The following SOX13 variants were observed in gnomAD, a reference collection of about 807,000 sequenced individuals.
SOX13 encodes transcription factor SOX-13.
Under a neutral mutation model 71.8 loss-of-function variants are expected in SOX13, and 28 were observed. The ratio of observed to expected loss-of-function variants is 0.39; its 90% CI spans 0.29 to 0.53. The LOEUF (loss-of-function observed/expected upper bound fraction) is 0.53. SOX13 is among the 20% of genes least tolerant of loss of function. The pLI is 0.70. For missense variants in SOX13, 627 were observed against 810.3 expected (o/e 0.77, Z 2.75); for synonymous variants, 309 against 317.8 (o/e 0.97, Z 0.29).
chr1:204,113,315 C>T (rs894384751), intron 2 of SOX13, among the ~76,000 whole-genome samples, 181 bp downstream of exon 2: 8 of 152,222 alleles, frequency 5.3e-5, no homozygotes, highest in South Asian at 2.1e-4. Context: ...AGGCTGGAAG[C>T]GGGGTCACCT....
intron 1 of SOX13, among the ~76,000 whole-genome samples, chr1:204,076,398 G>T: frequency 6.6e-6 from 1 of 152,170 alleles, no homozygotes; most frequent in East Asian, 1.9e-4. Flanking sequence ...TCCCTGGGTA[G>T]TGTCTGTGTC....
At chr1:204,114,752 A>C (rs1203579515) in intron 4 of SOX13, 147 bp downstream of exon 4, 1 of 657,956 alleles carries the variant, frequency 1.5e-6, no homozygotes, top group Non-Finnish European at 2.8e-6. Context: ...GGTCATCACC[A>C]TCCCTCGCCT....
rs903241073 is a variant in SOX13 at position 204,126,359 on chromosome 1, G to A, written c.*225G>A. ...AGGAACTGCAGTATGGCCATGGGCT[G>A]AGCAGGCTGAGCACCTCAGCCTTTA... On this transcript the variant is annotated 3_prime_UTR_variant, in exon 14 of 14. Transcript: ENST00000367204. 6 of 584,454 alleles carry A rather than the reference G, an allele frequency of 1.0e-5. No homozygotes were observed. The highest frequency in any genetic ancestry group is 1.8e-5 in the Non-Finnish European group (6 of 327,358). The allele number at this position is 584,454 out of a possible 1,614,324, so 36.2% of individuals were successfully genotyped here.
At chr1:204,124,300 T>C (rs75562743) in intron 12 of SOX13, among the ~76,000 whole-genome samples, 3,429 of 152,332 alleles carry the variant, frequency 0.023, 137 homozygotes, top group African/African-American at 0.079. Context: ...TATTTTGTCC[T>C]GAGCAGGGAG....
chr1:204,122,333 C>A lies in SOX13; in HGVS notation c.958C>A (p.Pro320Thr). The A allele has an allele frequency of 6.4e-7, 1 of 1,561,858 alleles. No individual in the cohort carries two copies. The highest frequency in any genetic ancestry group is 2.4e-5 in the East Asian group (1 of 42,116). The change falls in exon 9 of 14, where the codon CCC (proline) becomes ACC (threonine). Residue 320 changes from proline to threonine, a missense_variant. By Grantham distance (38) the Pro-to-Thr change is conservative. Transcript: ENST00000367204. The stretch of plus-strand genomic sequence containing the variant: ...AAGCCTGAAGATGAGCAGCTGTGTG[C>A]CCCGCCCCCCCAGCCATGGAGGCCC... ...SPSLKMSSCV[P>T]RPPSHGGPTR...
chr1:204,099,027 C>T (rs1656308784), intron 1 of SOX13, among the ~76,000 whole-genome samples: 1 of 152,192 alleles, frequency 6.6e-6, no homozygotes, highest in African/African-American at 2.4e-5. Context: ...GGCCTGGTTC[C>T]CTTGACTTCC....
At chr1:204,102,589 C>A (rs1656382551) in intron 1 of SOX13, among the ~76,000 whole-genome samples, 1 of 151,670 alleles carries the variant, frequency 6.6e-6, no homozygotes, top group African/African-American at 2.4e-5. Context: ...AAACTGATAA[C>A]CTAGGCTAGG....
chr1:204,088,680 A>G (rs16852795), intron 1 of SOX13, among the ~76,000 whole-genome samples: 4,424 of 152,090 alleles, frequency 0.029, 207 homozygotes, highest in African/African-American at 0.099. Flanking sequence ...TGTTGAACTG[A>G]TCTGATAAGA....
Position 204,073,463 on chromosome 1 carries a change from G to A in SOX13, c.-250G>A, listed in dbSNP as rs1389656962. 1 of 151,928 alleles carries A rather than the reference G, an allele frequency of 6.6e-6. No homozygotes were observed. Among genetic ancestry groups the A allele is most frequent in the Non-Finnish European group, 1.5e-5 (1 of 67,956 alleles). The allele number at this position is 151,928 out of a possible 1,614,324, so 9.4% of individuals were successfully genotyped here. A position where few individuals can be genotyped will look rare whatever the true frequency, so the allele number is the denominator to read the frequency against. On this transcript the variant is annotated 5_prime_UTR_variant, in exon 1 of 14. Transcript: ENST00000367204. This position sits in a 1 kb window ranked among gnomAD's most constrained non-coding sequence, Gnocchi z 6.8. ...GAGGGCGCCGCCCGGCCGGAACCAA[G>A]CTCGCCGCCCGGGACGGCGGGCCCC...
At chr1:204,084,223 C>T (rs1350806349) in intron 1 of SOX13, among the ~76,000 whole-genome samples, 1 of 152,114 alleles carries the variant, frequency 6.6e-6, no homozygotes, top group Non-Finnish European at 1.5e-5. Context: ...ACGTGGGGGC[C>T]CTGCCTGTGG....
intron 1 of SOX13, among the ~76,000 whole-genome samples, chr1:204,107,397 C>T (rs547696975): frequency 6.6e-6 from 1 of 152,086 alleles, no homozygotes; most frequent in Non-Finnish European, 1.5e-5. Flanking sequence ...ACTGTGCAGA[C>T]CCCCAGCTGC....
chr1:204,104,164 T>C (rs1430518794), intron 1 of SOX13, among the ~76,000 whole-genome samples: 1 of 152,166 alleles, frequency 6.6e-6, no homozygotes. Context: ...TCTCCCATGC[T>C]TGGGAGTTGA....
At chr1:204,113,169 C>T in intron 2 of SOX13, 35 bp downstream of exon 2, 1 of 1,470,818 alleles carries the variant, frequency 6.8e-7, no homozygotes. Context: ...TCCTCACACC[C>T]ATGCGCTGTA....
intron 1 of SOX13, among the ~76,000 whole-genome samples, chr1:204,078,429 C>G (rs1482796453): frequency 6.6e-6 from 1 of 152,236 alleles, no homozygotes; most frequent in Non-Finnish European, 1.5e-5. Flanking sequence ...CCCCCTCCCC[C>G]AGCCACATTC....
chr1:204,079,497 C>T (rs1655856147), intron 1 of SOX13, among the ~76,000 whole-genome samples: 1 of 151,950 alleles, frequency 6.6e-6, no homozygotes, highest in African/African-American at 2.4e-5. Flanking sequence ...AGGCATGCGC[C>T]ACCACGCCCG....
chr1:204,124,803 A>G lies in SOX13; in HGVS notation c.1538A>G (p.Tyr513Cys), dbSNP rs1400709551. Residue 513 changes from tyrosine to cysteine, a missense_variant, in exon 13 of 14, where the codon TAC becomes TGC. Transcript: ENST00000367204. ...VEGKRLRVGEYKALMRTRRQD... is the reference protein window; with the variant it reads ...VEGKRLRVGECKALMRTRRQD... ...GGCAAGCGGCTGCGCGTGGGAGAGTACAAGGCCCTGATGAGGACCCGGCGT... is the reference window on the plus strand; with the variant it reads ...GGCAAGCGGCTGCGCGTGGGAGAGTGCAAGGCCCTGATGAGGACCCGGCGT... 2 of 1,592,964 alleles carry G rather than the reference A, an allele frequency of 1.3e-6. No homozygotes were observed. Among genetic ancestry groups the G allele is most frequent in the Non-Finnish European group, 1.7e-6 (2 of 1,170,408 alleles).
At chr1:204,098,202 A>T (rs1267945749) in intron 1 of SOX13, among the ~76,000 whole-genome samples, 3 of 152,148 alleles carry the variant, frequency 2.0e-5, no homozygotes, top group African/African-American at 7.2e-5. Context: ...GATTGGCTGA[A>T]CACGGTGGCT....
At position 204,105,482 on chromosome 1, in the gene SOX13, T is replaced by C. The variant is rs933245832; in HGVS notation, c.-1-7433T>C. On this transcript the variant is annotated intron_variant, in intron 1 of 13. Transcript: ENST00000367204. ...GTGCAGCAGTGCAATCTTGGCTCAC[T>C]GCAACCTCCGCCTCCTGGGTTTGAG... 2.7e-5 allele frequency among the ~76,000 whole-genome samples: 4 copies of C among 149,014 alleles called. 1 individual carries two copies. In the Middle Eastern group the frequency reaches 0.014, roughly 536 times the overall value.
intron 1 of SOX13, among the ~76,000 whole-genome samples, chr1:204,094,582 C>T (rs1181540802): frequency 6.6e-6 from 1 of 152,162 alleles, no homozygotes; most frequent in Non-Finnish European, 1.5e-5. Context: ...GGAAGGGATG[C>T]TCATCTGTCT....
Sources: gnomAD v4.1 joint callset for allele counts (sites outside exome capture counted in the v4.1 genomes callset) on GRCh38, gnomAD v4.1.1 for gene constraint, Gnocchi (gnomAD v3.1) non-coding constraint, MANE v1.5 for transcripts, NCBI Gene and HGNC (gene_info 2026-07-23, HGNC 2026-07-21) for gene names.